EXD3: variants seen among roughly 807,000 people sequenced by gnomAD.
EXD3 encodes the protein exonuclease mut-7 homolog.
EXD3 carries 92 observed loss-of-function variants against 98.0 expected under a neutral mutation model. The ratio of observed to expected loss-of-function variants is 0.94; its 90% CI spans 0.79 to 1.12. The LOEUF (loss-of-function observed/expected upper bound fraction) is 1.12. EXD3 is among the 50% of genes most tolerant of loss of function. The pLI, the probability that EXD3 is intolerant of heterozygous loss-of-function variation, is 0.00. For missense variants in EXD3, 1,222 were observed against 1,191.6 expected (o/e 1.03, Z -0.38); for synonymous variants, 569 against 526.0 (o/e 1.08, Z -1.12).
intron 7 of EXD3, among the ~76,000 whole-genome samples, chr9:137,360,238 GTTTGT>G (rs1198705485): frequency 1.2e-5 from 1 of 85,958 alleles, no homozygotes; most frequent in African/African-American, 3.2e-5. Context: ...TAAAAACTTG[GTTTGT>G]TTTGTCTTTT....
chr9:137,412,458 C>T (rs1189232018), intron 1 of EXD3, among the ~76,000 whole-genome samples: 1 of 152,212 alleles, frequency 6.6e-6, no homozygotes, highest in Non-Finnish European at 1.5e-5. Flanking sequence ...AACTTAAAAG[C>T]CTCCTCGTCA....
chr9:137,323,518 C>T (rs561183817), intron 19 of EXD3, among the ~76,000 whole-genome samples: 6 of 105,724 alleles, frequency 5.7e-5, no homozygotes, highest in South Asian at 6.5e-4. Flanking sequence ...CACCTCACCC[C>T]GGACCCACGA....
rs1406745552 is a variant in EXD3 at position 137,385,109 on chromosome 9, C to A, written c.56-1732G>T. On this transcript the variant is annotated intron_variant, in intron 2 of 21. Coordinates refer to ENST00000340951, the MANE Select transcript of EXD3 (RefSeq NM_017820.5). This position sits in a 1 kb window ranked among gnomAD's most constrained non-coding sequence, Gnocchi z 4.4. ...TCCGTCTCAGACAAAAACCAAAAAA[C>A]CATAAAACACCGTGGGGCGCCCAGG... 6.6e-6 allele frequency among the ~76,000 whole-genome samples: 1 copy of A among 152,142 alleles called. No individual in the cohort carries two copies. The highest frequency in any genetic ancestry group is 6.5e-5 in the Admixed American group (1 of 15,276).
chr9:137,373,017 C>G lies in EXD3; in HGVS notation c.350G>C (p.Ser117Thr), dbSNP rs761397122. 17 of 1,604,682 alleles carry G rather than the reference C, an allele frequency of 1.1e-5. No individual in the cohort carries two copies. The highest frequency in any genetic ancestry group is 5.5e-5 in the South Asian group (5 of 90,784). ...QARAVKVLTE[S>T]PPSLAAPLAS... ...CAGTGGTGCCGCAAGGCTGGGGGGGCTCTCAGTGAGGACTTTGACCGCTCG... is the reference window on the plus strand; with the variant it reads ...CAGTGGTGCCGCAAGGCTGGGGGGGGTCTCAGTGAGGACTTTGACCGCTCG... Residue 117 changes from serine to threonine, a missense_variant, in exon 5 of 22, where the codon AGC becomes ACC. Coordinates refer to ENST00000340951, the MANE Select transcript of EXD3 (RefSeq NM_017820.5).
chr9:137,385,581 G>T lies in EXD3; in HGVS notation c.56-2204C>A, dbSNP rs2131730322. 6.6e-6 allele frequency among the ~76,000 whole-genome samples: 1 copy of T among 152,302 alleles called. No homozygotes were observed. The highest frequency in any genetic ancestry group is 2.4e-5 in the African/African-American group (1 of 41,592). Reference sequence around the variant, plus strand: ...GAGACGGAGTCTCACTGTCACCCAGGCTGGAGTGCAGTGCTGTGATCTCGG... The same window carrying T: ...GAGACGGAGTCTCACTGTCACCCAGTCTGGAGTGCAGTGCTGTGATCTCGG... On this transcript the variant is annotated intron_variant, in intron 2 of 21. Transcript: ENST00000340951. The surrounding 1 kb of genome is among the most constrained non-coding windows in gnomAD (Gnocchi z 4.4).
chr9:137,319,860 C>G (rs1483127104), intron 19 of EXD3, among the ~76,000 whole-genome samples: 2 of 152,222 alleles, frequency 1.3e-5, no homozygotes, highest in Non-Finnish European at 2.9e-5. Flanking sequence ...ATGGGGGGCC[C>G]TCTCCCAACA....
chr9:137,396,219 C>T (rs1033998205), intron 1 of EXD3, among the ~76,000 whole-genome samples: 3 of 152,202 alleles, frequency 2.0e-5, no homozygotes, highest in African/African-American at 7.2e-5. Flanking sequence ...CCACCCGCCT[C>T]AGCCTCCCAA....
At chr9:137,312,515 G>A (rs1012730015) in intron 19 of EXD3, among the ~76,000 whole-genome samples, 3 of 152,186 alleles carry the variant, frequency 2.0e-5, no homozygotes, top group Non-Finnish European at 4.4e-5. Flanking sequence ...CCACCAGCCA[G>A]GCTGTCCTGG....
Position 137,345,671 on chromosome 9 carries a change from A to AAAAAAAAAAAAAAAAAAAAAG in EXD3, c.1998+2399_1998+2400insCTTTTTTTTTTTTTTTTTTTT, listed in dbSNP as rs1554807528. ...AGTGAGGCTTTGTCTCAAAAAAAAAAAAAAGGAAAGAAAAGAAAAGAAAAA... is the reference window on the plus strand; with the variant it reads ...AGTGAGGCTTTGTCTCAAAAAAAAAAAAAAAAAAAAAAAAAAAAAAGAAAAGGAAAGAAAAGAAAAGAAAAA... On this transcript the variant is annotated intron_variant, in intron 17 of 21. Transcript: ENST00000340951. 209 of 150,998 alleles carry AAAAAAAAAAAAAAAAAAAAAG rather than the reference A, an allele frequency of 1.4e-3. 3 individuals carry two copies. The highest frequency in any genetic ancestry group is 4.9e-3 in the African/African-American group (199 of 40,692). The allele number at this position is 150,998 out of a possible 1,614,324, so 9.4% of individuals were successfully genotyped here.
intron 17 of EXD3, among the ~76,000 whole-genome samples, chr9:137,333,553 C>T (rs546921216): frequency 2.0e-5 from 3 of 152,274 alleles, no homozygotes; most frequent in East Asian, 1.9e-4. Context: ...GGAGGCCACT[C>T]GATCATGGGG....
intron 17 of EXD3, among the ~76,000 whole-genome samples, chr9:137,329,782 C>T (rs1165337603): frequency 5.0e-5 from 1 of 19,972 alleles, no homozygotes; most frequent in Admixed American, 3.6e-4. Flanking sequence ...CGGGACTACA[C>T]GGGACTACAC....
Position 137,395,818 on chromosome 9 carries a change from G to C in EXD3, c.-47-414C>G, listed in dbSNP as rs2131770928. ...AGAGGTGCTCTCCTCCAGAGGGCAA[G>C]GGCGCCTGCAGGACCAGGGACCTCG... On this transcript the variant is annotated intron_variant, in intron 1 of 21. Coordinates refer to ENST00000340951, the MANE Select transcript of EXD3 (RefSeq NM_017820.5). The surrounding 1 kb of genome is among the most constrained non-coding windows in gnomAD (Gnocchi z 6.5). 6.6e-6 allele frequency among the ~76,000 whole-genome samples: 1 copy of C among 152,296 alleles called. No homozygotes were observed. Among genetic ancestry groups the C allele is most frequent in the East Asian group, 1.9e-4 (1 of 5,180 alleles).
intron 7 of EXD3, among the ~76,000 whole-genome samples, chr9:137,358,147 AGT>A (rs1404341595): frequency 3.3e-5 from 5 of 152,154 alleles, no homozygotes; most frequent in Non-Finnish European, 5.9e-5. Flanking sequence ...TAACCATCCC[AGT>A]GTGTTAGTGT....
In EXD3 at chr9:137,407,722, G is replaced by A. The variant is rs1041160966; in HGVS notation, c.-47-12318C>T. 6.6e-6 allele frequency among the ~76,000 whole-genome samples: 1 copy of A among 152,206 alleles called. No homozygotes were observed. The highest frequency in any genetic ancestry group is 2.4e-5 in the African/African-American group (1 of 41,450). On this transcript the variant is annotated intron_variant, in intron 1 of 21. Transcript: ENST00000340951. The surrounding 1 kb of genome is among the most constrained non-coding windows in gnomAD (Gnocchi z 4.4). ...CGGCTCCTGGCCTGGTTCTGAAGAC[G>A]GCCCAGCTGGAGTGGGAGAAGTGCC...
At chr9:137,362,337 T>G (rs1433756005) in intron 7 of EXD3, among the ~76,000 whole-genome samples, 1 of 152,102 alleles carries the variant, frequency 6.6e-6, no homozygotes, top group Non-Finnish European at 1.5e-5. Context: ...ATCCCAAAAA[T>G]GTAAGGTTGG....
chr9:137,340,947 G>C (rs1156561910), intron 17 of EXD3, among the ~76,000 whole-genome samples: 1 of 152,210 alleles, frequency 6.6e-6, no homozygotes, highest in Non-Finnish European at 1.5e-5. Flanking sequence ...AGAAGAACAA[G>C]GTAGATGCTC....
chr9:137,330,469 A>G (rs894409984), intron 17 of EXD3, among the ~76,000 whole-genome samples: 9 of 135,912 alleles, frequency 6.6e-5, no homozygotes, highest in Non-Finnish European at 1.4e-4. Flanking sequence ...ACACAGGACT[A>G]CAAAGGAGCT....
chr9:137,330,979 G>A (rs1383571450), intron 17 of EXD3, among the ~76,000 whole-genome samples: 2 of 152,186 alleles, frequency 1.3e-5, no homozygotes, highest in Admixed American at 1.3e-4. Flanking sequence ...CATTCTGGAA[G>A]ATGACAGCAG....
At chr9:137,354,910 C>T in intron 8 of EXD3, 137 bp from the exon 9 acceptor site, 2 of 836,644 alleles carry the variant, frequency 2.4e-6, no homozygotes, top group African/African-American at 1.7e-5. Flanking sequence ...GAGCCCACCC[C>T]CTCCTCACCA....
Sources: allele counts gnomAD v4.1 joint callset (sites outside exome capture counted in the v4.1 genomes callset), GRCh38; gene constraint gnomAD v4.1.1; non-coding constraint Gnocchi (gnomAD v3.1); transcripts MANE v1.5; gene names NCBI Gene and HGNC (gene_info 2026-07-23, HGNC 2026-07-21).